KHDRBS2: variants seen among roughly 807,000 people sequenced by gnomAD.
KHDRBS2 encodes KH RNA binding domain containing, signal transduction associated 2.
In KHDRBS2, 26 loss-of-function variants were observed where a neutral mutation model predicts 44.3. That is an observed-to-expected ratio of 0.59 (90% CI 0.43 to 0.81). The LOEUF (loss-of-function observed/expected upper bound fraction) is 0.81, where lower values mean the gene tolerates loss of function less well. Ranked by LOEUF, KHDRBS2 falls within the 40% of genes least tolerant of loss-of-function variation. The pLI is 0.00. For missense variants in KHDRBS2, 476 were observed against 433.1 expected (o/e 1.10, Z -0.88); for synonymous variants, 194 against 151.1 (o/e 1.28, Z -2.08).
At position 61,978,118 on chromosome 6, in the gene KHDRBS2, G is replaced by T; in HGVS notation, c.431C>A (p.Ala144Asp). The change falls in exon 4 of 9, where the codon GCT becomes GAT. Residue 144 changes from alanine to aspartate, a missense_variant. Ala to Asp is a moderately radical substitution (Grantham distance 126). Coordinates refer to ENST00000281156, the MANE Select transcript of KHDRBS2 (RefSeq NM_152688.4). ...CAATGCATGACTCATACGTGAATAA[G>T]CTTCCCCAGGTGGAGCAAACACTTC... ...LIEVFAPPGE[A>D]YSRMSHALEE... 1 of 1,611,558 alleles carries T rather than the reference G, an allele frequency of 6.2e-7. No homozygotes were observed. The highest frequency in any genetic ancestry group is 1.3e-5 in the African/African-American group (1 of 74,888).
At chr6:61,732,602 A>G (rs1774657082) in intron 7 of KHDRBS2, 80 bp downstream of exon 7, 2 of 815,112 alleles carry the variant, frequency 2.5e-6, no homozygotes, top group Non-Finnish European at 2.1e-6. Context: ...CTCACATGAT[A>G]TAATTGACAT....
At chr6:61,818,259 C>A in intron 6 of KHDRBS2, among the ~76,000 whole-genome samples, 2 of 112,652 alleles carry the variant, frequency 1.8e-5, no homozygotes. Flanking sequence ...GAGAAAACCT[C>A]TGTAAGTAAA....
intron 2 of KHDRBS2, among the ~76,000 whole-genome samples, chr6:62,103,883 A>G (rs1802505356): frequency 6.6e-6 from 1 of 152,218 alleles, no homozygotes; most frequent in Non-Finnish European, 1.5e-5. Flanking sequence ...CACTAAAAAT[A>G]TATGTGAAAT....
intron 1 of KHDRBS2, among the ~76,000 whole-genome samples, chr6:62,239,466 G>A (rs1217778277): frequency 1.3e-5 from 2 of 151,954 alleles, no homozygotes; most frequent in African/African-American, 4.8e-5. Flanking sequence ...CCAGCTACTC[G>A]GGAGGCTGAG....
intron 2 of KHDRBS2, among the ~76,000 whole-genome samples, chr6:62,131,904 T>C (rs1810418595): frequency 6.6e-6 from 1 of 152,212 alleles, no homozygotes; most frequent in Non-Finnish European, 1.5e-5. Flanking sequence ...AATGAGTATG[T>C]GAAAGGTTCT....
intron 2 of KHDRBS2, among the ~76,000 whole-genome samples, chr6:62,164,691 T>C (rs534026261): frequency 6.6e-6 from 1 of 152,052 alleles, no homozygotes; most frequent in African/African-American, 2.4e-5. Context: ...TAACATAAAT[T>C]GCTAGATATG....
the KHDRBS2 span, among the ~76,000 whole-genome samples, chr6:61,657,489 A>G: frequency 1.3e-5 from 2 of 152,024 alleles, no homozygotes; most frequent in African/African-American, 4.8e-5. Context: ...CTGGTGCTGG[A>G]AAGACATATG....
the KHDRBS2 span, among the ~76,000 whole-genome samples, chr6:61,557,876 A>G: frequency 2.0e-5 from 3 of 152,062 alleles, no homozygotes; most frequent in Admixed American, 2.0e-4. Context: ...GGTAGGTTAC[A>G]TGTGTCTCGG....
At chr6:61,616,488 T>C in the KHDRBS2 span, among the ~76,000 whole-genome samples, 4 of 149,386 alleles carry the variant, frequency 2.7e-5, no homozygotes, top group African/African-American at 9.9e-5. Flanking sequence ...TATATATATA[T>C]ATATATATAT....
intron 7 of KHDRBS2, among the ~76,000 whole-genome samples, chr6:61,710,060 A>G (rs1770243771): frequency 6.6e-6 from 1 of 151,702 alleles, no homozygotes; most frequent in Non-Finnish European, 1.5e-5. Flanking sequence ...ATGTTCCAAA[A>G]TCACTTGTTA....
At chr6:61,985,075 A>G (rs1774786286) in intron 3 of KHDRBS2, among the ~76,000 whole-genome samples, 1 of 152,150 alleles carries the variant, frequency 6.6e-6, no homozygotes, top group African/African-American at 2.4e-5. Context: ...ACCTTACTGG[A>G]TAACGGTATG....
intron 2 of KHDRBS2, among the ~76,000 whole-genome samples, chr6:62,086,983 GA>G (rs1798513983): frequency 6.6e-6 from 1 of 150,860 alleles, no homozygotes; most frequent in Non-Finnish European, 1.5e-5. Context: ...GAAAAGGGAT[GA>G]GAGCCAGGAA....
intron 3 of KHDRBS2, among the ~76,000 whole-genome samples, chr6:61,992,868 A>G (rs1360388315): frequency 1.3e-5 from 2 of 152,038 alleles, no homozygotes; most frequent in Non-Finnish European, 2.9e-5. Context: ...TCTATCCTTT[A>G]TTTTTGTAAA....
the KHDRBS2 span, among the ~76,000 whole-genome samples, chr6:61,624,731 G>A: frequency 2.0e-5 from 3 of 152,208 alleles, no homozygotes; most frequent in Admixed American, 2.0e-4. Flanking sequence ...GCTGGACAAG[G>A]GTGGGTTGGT....
At chr6:62,142,281 T>C (rs1233824290) in intron 2 of KHDRBS2, among the ~76,000 whole-genome samples, 2 of 152,070 alleles carry the variant, frequency 1.3e-5, no homozygotes, top group African/African-American at 4.8e-5. Context: ...TTTGTCCTTT[T>C]AAATTGTCTT....
chr6:61,928,599 C>A (rs1378998121), intron 4 of KHDRBS2, among the ~76,000 whole-genome samples: 1 of 151,978 alleles, frequency 6.6e-6, no homozygotes, highest in East Asian at 1.9e-4. Flanking sequence ...CATTTTTCTG[C>A]ATATTTTAAG....
At chr6:61,884,654 T>C in intron 6 of KHDRBS2, among the ~76,000 whole-genome samples, 1 of 148,166 alleles carries the variant, frequency 6.7e-6, no homozygotes, top group Non-Finnish European at 1.5e-5. Flanking sequence ...AGAAGCTGTG[T>C]GCCTTTACCT....
chr6:61,917,678 G>T (rs1562438972), intron 4 of KHDRBS2, among the ~76,000 whole-genome samples: 1 of 151,904 alleles, frequency 6.6e-6, no homozygotes, highest in East Asian at 1.9e-4. Context: ...CACTGATATT[G>T]TAACAACTAT....
chr6:61,716,624 A>G (rs1771471795), intron 7 of KHDRBS2, among the ~76,000 whole-genome samples: 1 of 152,008 alleles, frequency 6.6e-6, no homozygotes, highest in African/African-American at 2.4e-5. Context: ...GTCGCTTTAG[A>G]TAGGGCACAT....
Sources: allele counts gnomAD v4.1 joint callset (sites outside exome capture counted in the v4.1 genomes callset), GRCh38; gene constraint gnomAD v4.1.1; transcripts MANE v1.5; gene names NCBI Gene and HGNC (gene_info 2026-07-23, HGNC 2026-07-21).